TDRD5: variants seen among roughly 807,000 people sequenced by gnomAD.
TDRD5 encodes tudor domain containing 5.
In TDRD5, 41 loss-of-function variants were observed where a neutral mutation model predicts 120.6. The ratio of observed to expected loss-of-function variants is 0.34; its 90% CI spans 0.26 to 0.44. The LOEUF is 0.44. Among genes scored for constraint, TDRD5 ranks in the 20% least tolerant of loss-of-function variants. The probability of loss-of-function intolerance (pLI) is 1.00; values close to 1 mark genes in which losing one functional copy is unlikely to be tolerated. For synonymous variants in TDRD5, 430 were observed against 433.7 expected (o/e 0.99, Z 0.11); for missense variants, 1,006 against 1,221.2 (o/e 0.82, Z 2.63).
At chr1:179,652,339 G>A (rs1369607680) in intron 13 of TDRD5, 142 bp downstream of exon 13, 3 of 832,686 alleles carry the variant, frequency 3.6e-6, no homozygotes, top group Middle Eastern at 3.7e-4. Context: ...CTCTTTATTT[G>A]CTGGCTTAAG....
chr1:179,673,075 G>C (rs1181966501), intron 17 of TDRD5, among the ~76,000 whole-genome samples: 3 of 152,094 alleles, frequency 2.0e-5, no homozygotes, highest in Non-Finnish European at 2.9e-5. Context: ...TTTTGGCTAT[G>C]TGGGCTCTTT....
chr1:179,675,714 A>G (rs1345905197), intron 17 of TDRD5, among the ~76,000 whole-genome samples: 4 of 152,128 alleles, frequency 2.6e-5, no homozygotes, highest in South Asian at 2.1e-4. Context: ...TTATTCTACT[A>G]TGGTCTGAGA....
chr1:179,657,198 G>A (rs1172678538), intron 14 of TDRD5, among the ~76,000 whole-genome samples: 2 of 152,072 alleles, frequency 1.3e-5, no homozygotes, highest in African/African-American at 4.8e-5. Flanking sequence ...TTGGAGTTGT[G>A]TTATATATAT....
rs1231211710 is a variant in TDRD5, at chr1:179,593,641, G to A, written c.414G>A (p.Glu138=). Residue 138 remains glutamate (E), a synonymous_variant, in exon 3 of 18, where the codon GAG becomes GAA. Transcript: ENST00000444136. ...APILPAVVKS[E]LKDLLALSPV... ...TTCTTCCAGCTGTTGTGAAGAGTGAGTTGAAGGACCTGTTGGCGTTATCTC... is the reference window on the plus strand; with the variant it reads ...TTCTTCCAGCTGTTGTGAAGAGTGAATTGAAGGACCTGTTGGCGTTATCTC... The A allele has an allele frequency of 3.1e-6, 5 of 1,614,138 alleles. No homozygotes were observed. Among genetic ancestry groups the A allele is most frequent in the Non-Finnish European group, 4.2e-6 (5 of 1,180,052 alleles).
chr1:179,642,173 T>A (rs1214309963), intron 11 of TDRD5, among the ~76,000 whole-genome samples: 1 of 151,936 alleles, frequency 6.6e-6, no homozygotes, highest in African/African-American at 2.4e-5. Flanking sequence ...CAATCTCGGC[T>A]CACTCCAACC....
chr1:179,661,564 G>T (rs1679316530), intron 14 of TDRD5, among the ~76,000 whole-genome samples: 1 of 151,948 alleles, frequency 6.6e-6, no homozygotes, highest in Admixed American at 6.6e-5. Flanking sequence ...TATTATGATT[G>T]CTCCATCCTC....
rs910650562 is a variant in TDRD5 at position 179,634,504 on chromosome 1, C to G, written c.1174C>G (p.Pro392Ala). 1 of 1,611,266 alleles carries G rather than the reference C, an allele frequency of 6.2e-7. No individual in the cohort carries two copies. Among genetic ancestry groups the G allele is most frequent in the Admixed American group, 1.7e-5 (1 of 59,224 alleles). Residue 392 changes from proline to alanine, a missense_variant, in exon 8 of 18, where the codon CCT becomes GCT. This residue lies in a region of TDRD5 where 445 missense variants were observed against 515.5 expected (regional missense o/e 0.86). Transcript: ENST00000444136. ...IEAKACVSSP[P>A]RNSLSTAAVK... is the part of the protein sequence containing the mutation. ...AGCCAAAGCTTGTGTCTCCAGTCCA[C>G]CTAGAAATTCATTGTCTACTGCTGC...
intron 14 of TDRD5, among the ~76,000 whole-genome samples, chr1:179,656,561 C>T (rs754288934): frequency 2.6e-4 from 39 of 152,180 alleles, no homozygotes; most frequent in Non-Finnish European, 5.4e-4. Flanking sequence ...GGATGTCCAA[C>T]TGATCCAGCA....
intron 6 of TDRD5, among the ~76,000 whole-genome samples, chr1:179,621,672 T>C (rs1676850809): frequency 6.6e-6 from 1 of 152,190 alleles, no homozygotes; most frequent in Non-Finnish European, 1.5e-5. Context: ...GCAACGTGGA[T>C]CATTTTTAAA....
rs1374715188 is a variant in TDRD5, at chr1:179,625,335, A to C, written c.972+4244A>C. The stretch of plus-strand genomic sequence containing the variant: ...GAAAACTGATAATGAGACTTCATCA[A>C]AATTAGCTTCTATTTAGGAGACCCC... On this transcript the variant is annotated intron_variant, in intron 6 of 17. Transcript: ENST00000444136. 2.0e-5 allele frequency among the ~76,000 whole-genome samples: 3 copies of C among 152,170 alleles called. No individual in the cohort carries two copies. In the East Asian group the frequency reaches 5.8e-4, roughly 29 times the overall value.
In TDRD5 at chr1:179,691,022, T is replaced by C. The variant is rs1037295211; in HGVS notation, c.*79T>C. ...ACTCCCAGGCCAAAATGAGGAGTTA[T>C]TGAAGCAAAATAGTATCTTGATCAT... On this transcript the variant is annotated 3_prime_UTR_variant, in exon 18 of 18. Transcript: ENST00000444136. 4.6e-6 allele frequency: 7 copies of C among 1,515,032 alleles called. No homozygotes were observed. The highest frequency in any genetic ancestry group is 1.3e-5 in the South Asian group (1 of 76,802). The allele number at this position is 1,515,032 out of a possible 1,614,324, so 93.8% of individuals were successfully genotyped here.
intron 17 of TDRD5, among the ~76,000 whole-genome samples, chr1:179,686,134 A>T (rs1237055163): frequency 2.6e-5 from 4 of 152,150 alleles, no homozygotes; most frequent in Non-Finnish European, 4.4e-5. Context: ...TTTCAAAGGG[A>T]ATGCTTCCAG....
intron 10 of TDRD5, 24 bp downstream of exon 10, chr1:179,640,075 A>G: frequency 1.2e-6 from 2 of 1,608,462 alleles, no homozygotes; most frequent in Non-Finnish European, 1.7e-6. Context: ...AATTAGAACA[A>G]TGGATGAATT....
chr1:179,628,560 G>T (rs895430802), intron 6 of TDRD5, among the ~76,000 whole-genome samples: 2 of 151,440 alleles, frequency 1.3e-5, no homozygotes, highest in Non-Finnish European at 2.9e-5. Context: ...TCCTGCCTCA[G>T]CCTCCCAAAG....
chr1:179,651,861 C>T (rs1319473117), intron 12 of TDRD5, among the ~76,000 whole-genome samples, 178 bp from the exon 13 acceptor site: 3 of 152,030 alleles, frequency 2.0e-5, no homozygotes, highest in African/African-American at 4.8e-5. Context: ...TGCAGTGAGC[C>T]GAGATTGGAC....
chr1:179,664,515 T>A lies in TDRD5; in HGVS notation c.2649+1024T>A, dbSNP rs575971077. Among the ~76,000 whole-genome samples, 11 of 152,290 alleles carry A rather than the reference T, an allele frequency of 7.2e-5. No homozygotes were observed. In the South Asian group the frequency reaches 2.3e-3, roughly 32 times the overall value. On this transcript the variant is annotated intron_variant, in intron 16 of 17. Transcript: ENST00000444136. Reference sequence around the variant, plus strand: ...TTAGGCAGCTACTTACTAATCTGCTTTCTGTCTCTACAGATTTGTCTGTTA... The same window carrying A: ...TTAGGCAGCTACTTACTAATCTGCTATCTGTCTCTACAGATTTGTCTGTTA...
Position 179,690,843 on chromosome 1 carries a change from C to T in TDRD5, c.3008C>T (p.Pro1003Leu), listed in dbSNP as rs1159105244. The T allele has an allele frequency of 6.2e-7, 1 of 1,614,072 alleles. No individual in the cohort carries two copies. The highest frequency in any genetic ancestry group is 1.1e-5 in the South Asian group (1 of 91,086). Reference protein sequence around the residue: ...ECQISQKLYIPRSTATAALGA... With the variant: ...ECQISQKLYILRSTATAALGA... Reference sequence around the variant, plus strand: ...CAGATTTCTCAGAAGCTCTACATTCCTCGAAGTACAGCCACTGCTGCCTTA... The same window carrying T: ...CAGATTTCTCAGAAGCTCTACATTCTTCGAAGTACAGCCACTGCTGCCTTA... Residue 1003 changes from proline (P) to leucine (L), a missense_variant, in exon 18 of 18, where the codon CCT becomes CTT. Coordinates refer to ENST00000444136, the MANE Select transcript of TDRD5 (RefSeq NM_001199085.3).
At chr1:179,669,087 T>C in intron 16 of TDRD5, 107 bp from the exon 17 acceptor site, 1 of 1,057,084 alleles carries the variant, frequency 9.5e-7, no homozygotes, top group Non-Finnish European at 1.3e-6. Context: ...TATTTATTTA[T>C]TATAATATGG....
At chr1:179,690,614 A>G in intron 17 of TDRD5, 82 bp from the exon 18 acceptor site, 1 of 1,523,824 alleles carries the variant, frequency 6.6e-7, no homozygotes, top group Non-Finnish European at 8.8e-7. Flanking sequence ...AACACATATT[A>G]GTATAGAACT....
Sources: allele counts gnomAD v4.1 joint callset (sites outside exome capture counted in the v4.1 genomes callset), GRCh38; gene constraint gnomAD v4.1.1; regional missense constraint gnomAD v4.1.1; transcripts MANE v1.5; gene names NCBI Gene and HGNC (gene_info 2026-07-23, HGNC 2026-07-21).